RABGAP1L: variants seen among roughly 807,000 people sequenced by gnomAD.
RABGAP1L encodes rab GTPase-activating protein 1-like.
In RABGAP1L, 63 loss-of-function variants were observed where a neutral mutation model predicts 137.7. The ratio of observed to expected loss-of-function variants is 0.46; its 90% CI spans 0.37 to 0.56. RABGAP1L has a LOEUF of 0.56. Ranked by LOEUF, RABGAP1L falls within the 20% of genes least tolerant of loss-of-function variation. The probability of loss-of-function intolerance (pLI) is 0.00; values close to 1 mark genes in which losing one functional copy is unlikely to be tolerated. For synonymous variants in RABGAP1L, 431 were observed against 433.7 expected, an observed-to-expected ratio of 0.99 and a Z score of 0.08; for missense variants, 1,095 against 1,244.0, an observed-to-expected ratio of 0.88 and a Z score of 1.80.
At chr1:174,528,607 G>T (rs1455664436) in intron 13 of RABGAP1L, among the ~76,000 whole-genome samples, 5 of 148,756 alleles carry the variant, frequency 3.4e-5, no homozygotes, top group East Asian at 2.0e-4. Flanking sequence ...TTAATTATAG[G>T]TGCCGAAACA....
chr1:174,667,966 G>C (rs1372722986), intron 14 of RABGAP1L, among the ~76,000 whole-genome samples: 2 of 152,070 alleles, frequency 1.3e-5, no homozygotes, highest in Non-Finnish European at 2.9e-5. Flanking sequence ...TATTACTCTT[G>C]GGAGCACAGG....
Position 174,199,162 on chromosome 1 carries a change from A to G in RABGAP1L, c.-33-19963A>G, listed in dbSNP as rs377275442. On this transcript the variant is annotated intron_variant, in intron 1 of 25. Coordinates refer to ENST00000681986, the MANE Select transcript of RABGAP1L (RefSeq NM_001366446.1). The stretch of plus-strand genomic sequence containing the variant: ...GAAAATTAAAAAATTCAGTGCCTTC[A>G]ATATAAACACTTAAAGTTATGGGAT... Among the ~76,000 whole-genome samples the G allele has an allele frequency of 3.9e-5, 6 of 152,186 alleles. 1 individual carries two copies. The highest frequency in any genetic ancestry group is 3.9e-4 in the Admixed American group (6 of 15,278).
At chr1:174,797,474 GTGT>G (rs1688328169) in intron 18 of RABGAP1L, among the ~76,000 whole-genome samples, 1 of 149,772 alleles carries the variant, frequency 6.7e-6, no homozygotes, top group Non-Finnish European at 1.5e-5. Flanking sequence ...AATGTGCGTG[GTGT>G]TGGGGGGGTG....
At chr1:174,195,625 C>A in intron 1 of RABGAP1L, among the ~76,000 whole-genome samples, 1 of 82,662 alleles carries the variant, frequency 1.2e-5, no homozygotes, top group African/African-American at 6.0e-5. Flanking sequence ...TTCTTCCTTC[C>A]TTCCTTCCTT....
intron 21 of RABGAP1L, 47 bp downstream of exon 21, chr1:174,969,434 C>A: frequency 7.1e-7 from 1 of 1,401,986 alleles, no homozygotes; most frequent in Non-Finnish European, 9.9e-7. Context: ...GGGCAAAGAC[C>A]GATTTGCCCT....
intron 10 of RABGAP1L, among the ~76,000 whole-genome samples, chr1:174,299,130 G>A (rs1262668382): frequency 6.6e-6 from 1 of 152,218 alleles, no homozygotes; most frequent in Non-Finnish European, 1.5e-5. Flanking sequence ...TTTGCATAAA[G>A]TGCAGCAAGA....
chr1:174,899,190 T>C (rs939409597), intron 19 of RABGAP1L, among the ~76,000 whole-genome samples: 22 of 151,768 alleles, frequency 1.4e-4, no homozygotes, highest in Non-Finnish European at 2.9e-4. Context: ...GCAGAGACTT[T>C]CGGGAGAAAA....
At chr1:174,652,149 T>C (rs1374719031) in intron 14 of RABGAP1L, among the ~76,000 whole-genome samples, 2 of 152,238 alleles carry the variant, frequency 1.3e-5, no homozygotes, top group Admixed American at 6.5e-5. Context: ...TCTTTAAGAA[T>C]GTTGAATATC....
At chr1:174,668,538 T>A (rs1348666471) in intron 14 of RABGAP1L, among the ~76,000 whole-genome samples, 1 of 152,190 alleles carries the variant, frequency 6.6e-6, no homozygotes, top group Non-Finnish European at 1.5e-5. Flanking sequence ...TGATTCTGTA[T>A]CTTGGCTATT....
intron 14 of RABGAP1L, among the ~76,000 whole-genome samples, chr1:174,665,197 A>G (rs1225963218): frequency 6.6e-6 from 1 of 152,136 alleles, no homozygotes; most frequent in South Asian, 2.1e-4. Context: ...GACAGTGGCT[A>G]AGTGCCTGGG....
chr1:174,323,877 A>C (rs1218971786), intron 11 of RABGAP1L, among the ~76,000 whole-genome samples: 1 of 152,172 alleles, frequency 6.6e-6, no homozygotes, highest in Non-Finnish European at 1.5e-5. Flanking sequence ...TAAAGGCTTG[A>C]AAAGGTATTT....
At chr1:174,513,161 G>A (rs1287663548) in intron 13 of RABGAP1L, among the ~76,000 whole-genome samples, 6 of 152,100 alleles carry the variant, frequency 3.9e-5, no homozygotes, top group Non-Finnish European at 7.4e-5. Context: ...CACCTAGTAA[G>A]TACTTTCGTT....
chr1:174,476,720 C>A lies in RABGAP1L; in HGVS notation c.1710+82575C>A, dbSNP rs189292001. On this transcript the variant is annotated intron_variant, in intron 13 of 25. Transcript: ENST00000681986. ...ACCTAAGTGATTTCATCACTCAAAT[C>A]CTCCAGAAGTTCCAAAGCGGTATCT... 2.6e-5 allele frequency among the ~76,000 whole-genome samples: 4 copies of A among 152,288 alleles called. No homozygotes were observed. The East Asian group carries it at 5.8e-4, about 22-fold the overall frequency.
chr1:174,620,194 A>T (rs1404251169), intron 13 of RABGAP1L, among the ~76,000 whole-genome samples: 2 of 152,226 alleles, frequency 1.3e-5, no homozygotes, highest in Admixed American at 1.3e-4. Flanking sequence ...GGGAGACTTT[A>T]ACACCCCACT....
rs2149364168 is a variant in RABGAP1L, at chr1:174,969,279, G to A, written c.2436G>A (p.Arg812=). ...QQEDPMDRYK[R]ENRRLQEASM... ...CTCTGGCTATTGTTCTTCTGCAGAG[G>A]GAGAACCGAAGATTACAGGAGGCCA... Residue 812 remains arginine (R), a splice_region_variant and synonymous_variant, in exon 21 of 26, where the codon AGG becomes AGA. Transcript: ENST00000681986. 2 of 1,549,996 alleles carry A rather than the reference G, an allele frequency of 1.3e-6. No homozygotes were observed. The highest frequency in any genetic ancestry group is 1.7e-6 in the Non-Finnish European group (2 of 1,146,250).
At chr1:174,169,458 G>C (rs1665168877) in intron 1 of RABGAP1L, among the ~76,000 whole-genome samples, 1 of 152,144 alleles carries the variant, frequency 6.6e-6, no homozygotes, top group Non-Finnish European at 1.5e-5. Context: ...CTGAACTCGT[G>C]ATCTGCCAGC....
intron 14 of RABGAP1L, among the ~76,000 whole-genome samples, chr1:174,650,346 C>T (rs1260425323): frequency 6.6e-6 from 1 of 152,112 alleles, no homozygotes; most frequent in Non-Finnish European, 1.5e-5. Context: ...ATGCTGGCCT[C>T]ATAAAATGAG....
At chr1:174,811,023 G>A (rs899353347) in intron 18 of RABGAP1L, among the ~76,000 whole-genome samples, 1 of 152,054 alleles carries the variant, frequency 6.6e-6, no homozygotes, top group East Asian at 1.9e-4. Context: ...GATCACTTGA[G>A]CCTGGGAGGT....
chr1:174,438,744 G>GTGTATATATATATATATATATA (rs1161311071), intron 13 of RABGAP1L, among the ~76,000 whole-genome samples: 2 of 95,452 alleles, frequency 2.1e-5, no homozygotes, highest in African/African-American at 4.7e-5. Context: ...GTGTGTGTGT[G>GTGTATATATATATATATATATA]TATATATATA....
Sources: gnomAD v4.1 joint callset for allele counts (sites outside exome capture counted in the v4.1 genomes callset) on GRCh38, gnomAD v4.1.1 for gene constraint, MANE v1.5 for transcripts, NCBI Gene and HGNC (gene_info 2026-07-23, HGNC 2026-07-21) for gene names.